Variants in CCDC12 observed in about 807,000 individuals in gnomAD.
CCDC12 encodes coiled-coil domain containing 12.
CCDC12 carries 28 observed loss-of-function variants against 25.7 expected under a neutral mutation model. The observed-to-expected ratio is 1.09, with a 90% CI of 0.81 to 1.50. The LOEUF is 1.50. Among genes scored for constraint, CCDC12 ranks in the 40% most tolerant of loss-of-function variants. The pLI, the probability that CCDC12 is intolerant of heterozygous loss-of-function variation, is 0.00. For missense variants in CCDC12, 198 were observed against 210.0 expected, an observed-to-expected ratio of 0.94 and a Z score of 0.35; for synonymous variants, 75 against 87.7, an observed-to-expected ratio of 0.86 and a Z score of 0.81.
chr3:46,964,284 T>TG (rs1272119291), intron 1 of CCDC12, among the ~76,000 whole-genome samples: 1 of 146,736 alleles, frequency 6.8e-6, no homozygotes, highest in Non-Finnish European at 1.5e-5. Flanking sequence ...GGGAGGGAGG[T>TG]GGGGGTCAGC....
chr3:46,939,699 T>C (rs1326350785), intron 2 of CCDC12, among the ~76,000 whole-genome samples: 1 of 152,160 alleles, frequency 6.6e-6, no homozygotes, highest in Admixed American at 6.5e-5. Context: ...CCTCTAAGCA[T>C]AGAGCTGGTA....
intron 1 of CCDC12, among the ~76,000 whole-genome samples, chr3:46,967,825 T>C (rs2034685622): frequency 6.6e-6 from 1 of 152,158 alleles, no homozygotes; most frequent in Non-Finnish European, 1.5e-5. Context: ...AAAAAAAGTA[T>C]CCTTCTTCCA....
At chr3:46,973,463 C>A (rs546474012) in intron 1 of CCDC12, among the ~76,000 whole-genome samples, 1 of 150,362 alleles carries the variant, frequency 6.7e-6, no homozygotes. Context: ...CCATTGCATT[C>A]CAGCCTGGGC....
At chr3:46,936,370 T>G (rs1486470405) in intron 2 of CCDC12, among the ~76,000 whole-genome samples, 1 of 152,250 alleles carries the variant, frequency 6.6e-6, no homozygotes, top group Non-Finnish European at 1.5e-5. Flanking sequence ...TTCTGCCTTT[T>G]CGAGGTGTGT....
intron 1 of CCDC12, among the ~76,000 whole-genome samples, chr3:46,946,634 A>C (rs1350780396): frequency 6.6e-6 from 1 of 152,216 alleles, no homozygotes; most frequent in East Asian, 1.9e-4. Context: ...GAGGGCCGAC[A>C]CCCTGAACGG....
intron 2 of CCDC12, among the ~76,000 whole-genome samples, chr3:46,929,583 C>G (rs983860476): frequency 1.3e-5 from 2 of 152,200 alleles, no homozygotes; most frequent in African/African-American, 4.8e-5. Context: ...TTTCTGAGGA[C>G]AACTGGAGCC....
intron 1 of CCDC12, among the ~76,000 whole-genome samples, chr3:46,955,603 G>A (rs1451002199): frequency 6.6e-6 from 1 of 152,174 alleles, no homozygotes; most frequent in African/African-American, 2.4e-5. Context: ...GATATCCAAG[G>A]GCACTGGGGA....
intron 1 of CCDC12, among the ~76,000 whole-genome samples, chr3:46,973,705 C>T (rs1440577794): frequency 6.7e-6 from 1 of 149,044 alleles, no homozygotes; most frequent in Non-Finnish European, 1.5e-5. Flanking sequence ...CTCCGCCTCC[C>T]AGGTTCACGT....
intron 2 of CCDC12, among the ~76,000 whole-genome samples, chr3:46,938,531 T>G (rs1323143330): frequency 1.5e-4 from 22 of 146,508 alleles, no homozygotes; most frequent in African/African-American, 5.5e-4. Flanking sequence ...TTTTTTTTTT[T>G]TTTTTTTTTT....
Position 46,967,206 on chromosome 3 carries a change from C to A in CCDC12, c.96+9431G>T, listed in dbSNP as rs1034854994. Among the ~76,000 whole-genome samples, 4 of 152,112 alleles carry A rather than the reference C, an allele frequency of 2.6e-5. No individual in the cohort carries two copies. The South Asian group carries it at 8.3e-4, about 31-fold the overall frequency. On this transcript the variant is annotated intron_variant, in intron 1 of 6. Coordinates refer to ENST00000683445, the MANE Select transcript of CCDC12 (RefSeq NM_001277074.2). ...CAAAGCCCCTCTCCCCTGTACTTTG[C>A]CATCTCAGGAACCCTGTCTGTGCGC...
chr3:46,968,227 G>A (rs1490811022), intron 1 of CCDC12, among the ~76,000 whole-genome samples: 1 of 152,092 alleles, frequency 6.6e-6, no homozygotes, highest in African/African-American at 2.4e-5. Flanking sequence ...ACTCCACCTC[G>A]GCTGTGACTG....
At chr3:46,959,077 G>C (rs1010784652) in intron 1 of CCDC12, among the ~76,000 whole-genome samples, 7 of 152,144 alleles carry the variant, frequency 4.6e-5, no homozygotes, top group African/African-American at 1.7e-4. Context: ...CTGCTCTCTG[G>C]TGTGATCTAC....
chr3:46,954,697 G>A (rs183865312), intron 1 of CCDC12, among the ~76,000 whole-genome samples: 8 of 152,288 alleles, frequency 5.3e-5, no homozygotes, highest in South Asian at 2.1e-4. Flanking sequence ...AGGCCGAGGC[G>A]GGCAGATCAC....
intron 1 of CCDC12, among the ~76,000 whole-genome samples, chr3:46,948,467 G>C (rs774746894): frequency 6.6e-6 from 1 of 152,218 alleles, no homozygotes; most frequent in African/African-American, 2.4e-5. Flanking sequence ...GGGAGGAGCA[G>C]AAACAACTGA....
chr3:46,954,120 G>C (rs1468286119), intron 1 of CCDC12, among the ~76,000 whole-genome samples: 1 of 143,586 alleles, frequency 7.0e-6, no homozygotes, highest in Non-Finnish European at 1.5e-5. Flanking sequence ...GACAGTCAGA[G>C]GAATCAGGCA....
At chr3:46,980,575 C>T (rs1272457154), upstream of CCDC12, among the ~76,000 whole-genome samples, 2 of 152,032 alleles carry the variant, frequency 1.3e-5, no homozygotes, top group African/African-American at 2.4e-5. Flanking sequence ...CTCTGGATGC[C>T]CAGGGTGAGG....
At chr3:46,977,335 T>C (rs2035028610), upstream of CCDC12, among the ~76,000 whole-genome samples, 1 of 152,102 alleles carries the variant, frequency 6.6e-6, no homozygotes, top group Non-Finnish European at 1.5e-5. Context: ...TAACTGGGCG[T>C]GGTGGCGCGT....
chr3:46,951,766 C>A (rs1417578248), intron 1 of CCDC12, among the ~76,000 whole-genome samples: 3 of 56,496 alleles, frequency 5.3e-5, no homozygotes, highest in African/African-American at 6.9e-5. Context: ...GGCGACAGAA[C>A]GAGACTCCGT....
At chr3:46,946,670 T>A (rs188896691) in intron 1 of CCDC12, among the ~76,000 whole-genome samples, 1 of 152,212 alleles carries the variant, frequency 6.6e-6, no homozygotes, top group East Asian at 1.9e-4. Context: ...ACAAGATGTG[T>A]CATGGGAGGA....
Sources: gnomAD v4.1 joint callset for allele counts (sites outside exome capture counted in the v4.1 genomes callset) on GRCh38, gnomAD v4.1.1 for gene constraint, MANE v1.5 for transcripts, NCBI Gene and HGNC (gene_info 2026-07-23, HGNC 2026-07-21) for gene names.